Variants in MYO5A observed in about 807,000 individuals in gnomAD.
MYO5A encodes myosin VA.
A neutral mutation model predicts 249.7 loss-of-function variants in MYO5A; 98 were observed. The observed-to-expected ratio is 0.39, with a 90% confidence interval of 0.33 to 0.46. MYO5A has a LOEUF of 0.46. MYO5A is among the 20% of genes least tolerant of loss of function. The pLI is 0.98. For synonymous variants in MYO5A, 778 were observed against 810.6 expected (o/e 0.96, Z 0.68); for missense variants, 1,696 against 2,308.8 (o/e 0.73, Z 5.44).
intron 29 of MYO5A, among the ~76,000 whole-genome samples, chr15:52,347,812 A>G (rs982451408): frequency 6.6e-6 from 1 of 152,024 alleles, no homozygotes; most frequent in Non-Finnish European, 1.5e-5. Context: ...TTTTTTAGCT[A>G]TGTTTTGTAA....
rs1256238616 is a variant in MYO5A, at chr15:52,308,234, A to C, written c.*5462T>G. The C allele has an allele frequency of 1.3e-5, 2 of 152,342 alleles. No homozygotes were observed. Among genetic ancestry groups the C allele is most frequent in the East Asian group, 3.8e-4 (2 of 5,196 alleles). 9.4% of individuals were successfully genotyped at this position (152,342 alleles called of 1,614,324 possible). A position where few individuals can be genotyped will look rare whatever the true frequency, so the allele number is the denominator to read the frequency against. ...ATTTTAGATAGACCAAATTACAAATAAAAAAAGTATAAAAAGCATTTTGGA... is the reference window on the plus strand; with the variant it reads ...ATTTTAGATAGACCAAATTACAAATCAAAAAAGTATAAAAAGCATTTTGGA... On this transcript the variant is annotated 3_prime_UTR_variant, in exon 42 of 42. Coordinates refer to ENST00000399233, the MANE Select transcript of MYO5A (RefSeq NM_001382347.1).
chr15:52,446,226 A>G (rs1595698981), intron 1 of MYO5A, among the ~76,000 whole-genome samples: 1 of 152,342 alleles, frequency 6.6e-6, no homozygotes, highest in African/African-American at 2.4e-5. Flanking sequence ...ACTACCCTGC[A>G]CAGCCTCAGA....
chr15:52,478,254 G>A (rs56205481), intron 1 of MYO5A, among the ~76,000 whole-genome samples: 3 of 152,124 alleles, frequency 2.0e-5, no homozygotes, highest in African/African-American at 7.2e-5. Flanking sequence ...TGCTAAGAAC[G>A]TTGGAAAAGT....
At chr15:52,478,534 C>T (rs1048580695) in intron 1 of MYO5A, among the ~76,000 whole-genome samples, 1 of 152,190 alleles carries the variant, frequency 6.6e-6, no homozygotes, top group African/African-American at 2.4e-5. Context: ...GGAGCTGTTC[C>T]TATTCAGCCA....
upstream of MYO5A, chr15:52,528,910 C>A (rs1370010286): frequency 4.9e-6 from 5 of 1,015,556 alleles, no homozygotes; most frequent in Non-Finnish European, 6.1e-6. Context: ...CGGCAGGGAG[C>A]AGGGCAGGGC....
At chr15:52,445,077 G>A (rs1188702415) in intron 1 of MYO5A, among the ~76,000 whole-genome samples, 1 of 152,138 alleles carries the variant, frequency 6.6e-6, no homozygotes. Context: ...CTTGGGAAAT[G>A]ACACAGTTTG....
At chr15:52,397,876 A>G (rs1410917444) in intron 9 of MYO5A, among the ~76,000 whole-genome samples, 1 of 152,182 alleles carries the variant, frequency 6.6e-6, no homozygotes, top group Non-Finnish European at 1.5e-5. Flanking sequence ...GTATTAATCA[A>G]ATGATTGCTC....
At chr15:52,352,206 C>T (rs1318179419) in intron 27 of MYO5A, among the ~76,000 whole-genome samples, 1 of 152,206 alleles carries the variant, frequency 6.6e-6, no homozygotes, top group Non-Finnish European at 1.5e-5. Flanking sequence ...CCAGCCCCTG[C>T]CACCAGTTAG....
At chr15:52,491,099 T>C (rs181142344) in intron 1 of MYO5A, among the ~76,000 whole-genome samples, 3 of 152,350 alleles carry the variant, frequency 2.0e-5, no homozygotes, top group Non-Finnish European at 2.9e-5. Context: ...ACTTACGTTA[T>C]GTGTATTTTA....
At chr15:52,470,617 T>A (rs1305864931) in intron 1 of MYO5A, among the ~76,000 whole-genome samples, 2 of 151,812 alleles carry the variant, frequency 1.3e-5, no homozygotes, top group African/African-American at 2.4e-5. Context: ...ACCATTGCAC[T>A]CCAGCCTGGG....
chr15:52,520,522 G>A (rs1342650974), intron 1 of MYO5A, among the ~76,000 whole-genome samples: 1 of 152,208 alleles, frequency 6.6e-6, no homozygotes, highest in South Asian at 2.1e-4. Context: ...CAGACAGCAT[G>A]TGAGAGTCAG....
chr15:52,411,334 T>C (rs1185531835), intron 5 of MYO5A, among the ~76,000 whole-genome samples: 1 of 152,322 alleles, frequency 6.6e-6, no homozygotes, highest in East Asian at 1.9e-4. Flanking sequence ...TATTACCCAC[T>C]CAATTTAAAG....
At chr15:52,330,641 A>T (rs2038846653) in intron 34 of MYO5A, 142 bp from the exon 35 acceptor site, 1 of 992,868 alleles carries the variant, frequency 1.0e-6, no homozygotes, top group Non-Finnish European at 1.5e-6. Flanking sequence ...TCTTAAAATA[A>T]TTTTTTTCTG....
intron 25 of MYO5A, among the ~76,000 whole-genome samples, chr15:52,354,992 A>G (rs1228081610): frequency 6.6e-6 from 1 of 152,276 alleles, no homozygotes; most frequent in African/African-American, 2.4e-5. Context: ...GTGACTTTTA[A>G]ATGTATACCT....
At chr15:52,381,254 G>A (rs1296248773) in intron 16 of MYO5A, among the ~76,000 whole-genome samples, 2 of 152,156 alleles carry the variant, frequency 1.3e-5, no homozygotes, top group Non-Finnish European at 2.9e-5. Flanking sequence ...CAGGACAGAG[G>A]CCAAAGTGTA....
chr15:52,483,643 A>G (rs1466791675), intron 1 of MYO5A, among the ~76,000 whole-genome samples: 2 of 152,160 alleles, frequency 1.3e-5, no homozygotes, highest in African/African-American at 2.4e-5. Context: ...ATTTGGAAAA[A>G]CATGTCCCAC....
At chr15:52,438,274 G>A (rs992031720) in intron 1 of MYO5A, among the ~76,000 whole-genome samples, 2 of 152,176 alleles carry the variant, frequency 1.3e-5, no homozygotes, top group African/African-American at 2.4e-5. Flanking sequence ...TGAGAAGACT[G>A]GGGGAAGGCA....
At chr15:52,466,113 T>C (rs554648734) in intron 1 of MYO5A, among the ~76,000 whole-genome samples, 1 of 152,246 alleles carries the variant, frequency 6.6e-6, no homozygotes, top group East Asian at 1.9e-4. Context: ...AAGGAACTGC[T>C]TGAGGAAGTA....
At chr15:52,385,449 A>G (rs894131253) in intron 14 of MYO5A, among the ~76,000 whole-genome samples, 8 of 152,288 alleles carry the variant, frequency 5.3e-5, no homozygotes, top group Admixed American at 3.9e-4. Flanking sequence ...ATTCAGTGGT[A>G]TTTAGTCAAG....
Sources: gnomAD v4.1 joint callset for allele counts (sites outside exome capture counted in the v4.1 genomes callset) on GRCh38, gnomAD v4.1.1 for gene constraint, MANE v1.5 for transcripts, NCBI Gene and HGNC (gene_info 2026-07-23, HGNC 2026-07-21) for gene names.